ECHDC1: variants seen among roughly 807,000 people sequenced by gnomAD.
ECHDC1 encodes ethylmalonyl-CoA decarboxylase.
ECHDC1 carries 29 observed loss-of-function variants against 29.7 expected under a neutral mutation model. That is an observed-to-expected ratio of 0.98 (90% CI 0.73 to 1.33). The LOEUF is 1.33. ECHDC1 is among the 40% of genes most tolerant of loss of function. The probability of loss-of-function intolerance (pLI) is 0.00; values close to 1 mark genes in which losing one functional copy is unlikely to be tolerated. For synonymous variants in ECHDC1, 126 were observed against 123.1 expected, an observed-to-expected ratio of 1.02 and a Z score of -0.15; for missense variants, 328 against 350.0, an observed-to-expected ratio of 0.94 and a Z score of 0.50.
chr6:127,333,726 A>G (rs1784180214), intron 1 of ECHDC1, among the ~76,000 whole-genome samples: 1 of 149,324 alleles, frequency 6.7e-6, no homozygotes, highest in African/African-American at 2.4e-5. Flanking sequence ...GTTTACCAGT[A>G]TACCACCAGT....
At chr6:127,329,768 A>G (rs1783745685) in intron 2 of ECHDC1, 1 of 324,588 alleles carries the variant, frequency 3.1e-6, no homozygotes, top group Non-Finnish European at 6.1e-6. Flanking sequence ...TACCTTTTTT[A>G]AATTTTTTTA....
At chr6:127,311,879 A>G (rs936520558) in intron 5 of ECHDC1, among the ~76,000 whole-genome samples, 4 of 151,750 alleles carry the variant, frequency 2.6e-5, no homozygotes, top group African/African-American at 7.3e-5. Flanking sequence ...TTAATTTCCC[A>G]GTTGTATAAT....
At chr6:127,330,350 GA>G (rs879733100) in intron 2 of ECHDC1, among the ~76,000 whole-genome samples, 1 of 152,104 alleles carries the variant, frequency 6.6e-6, no homozygotes, top group South Asian at 2.1e-4. Context: ...TGTAACCATG[GA>G]ATTAAAAGGT....
intron 5 of ECHDC1, among the ~76,000 whole-genome samples, chr6:127,302,407 T>C (rs1781120726): frequency 6.6e-6 from 1 of 152,116 alleles, no homozygotes; most frequent in African/African-American, 2.4e-5. Context: ...TTCTTTTTTT[T>C]TTTCTTTTTG....
chr6:127,314,915 A>C lies in ECHDC1; in HGVS notation c.417-19T>G. On this transcript the variant is annotated intron_variant, in intron 4 of 5. Transcript: ENST00000454859. ...AGGAAGTCTGTATATTGAAGAAAAA[A>C]CTGATGTTACTATTTTTAATTTCAA... The C allele has an allele frequency of 6.3e-7, 1 of 1,592,682 alleles. No homozygotes were observed. Among genetic ancestry groups the C allele is most frequent in the South Asian group, 1.1e-5 (1 of 89,298 alleles).
intron 5 of ECHDC1, among the ~76,000 whole-genome samples, chr6:127,300,262 TAA>T (rs1780953629): frequency 1.3e-5 from 2 of 152,074 alleles, no homozygotes; most frequent in African/African-American, 4.8e-5. Context: ...AACAGAAATA[TAA>T]AAGTTAGCAA....
intron 1 of ECHDC1, among the ~76,000 whole-genome samples, chr6:127,336,491 T>C (rs1784436907): frequency 6.6e-6 from 1 of 152,168 alleles, no homozygotes; most frequent in South Asian, 2.1e-4. Context: ...CAAAGGGAAG[T>C]AAAAGTTCTG....
chr6:127,338,604 T>C (rs1198982492), intron 1 of ECHDC1, among the ~76,000 whole-genome samples: 1 of 152,124 alleles, frequency 6.6e-6, no homozygotes, highest in African/African-American at 2.4e-5. Context: ...CCAGCTCTGC[T>C]AGGGAGTAAA....
intron 1 of ECHDC1, among the ~76,000 whole-genome samples, chr6:127,339,318 G>A (rs951432477): frequency 1.3e-5 from 2 of 149,434 alleles, no homozygotes; most frequent in Admixed American, 1.3e-4. Context: ...GGGGTGATCA[G>A]GACAGGGACT....
At chr6:127,300,751 A>G (rs1382140775) in intron 5 of ECHDC1, among the ~76,000 whole-genome samples, 1 of 152,210 alleles carries the variant, frequency 6.6e-6, no homozygotes, top group Non-Finnish European at 1.5e-5. Flanking sequence ...GAGTCTTCAG[A>G]GCCCACTGCA....
At chr6:127,339,627 G>T (rs1163592859) in intron 1 of ECHDC1, among the ~76,000 whole-genome samples, 12 of 151,892 alleles carry the variant, frequency 7.9e-5, no homozygotes, top group South Asian at 6.2e-4. Context: ...ACAAAAATCA[G>T]CCAGGTGTAG....
At chr6:127,308,122 G>A (rs1281809560) in intron 5 of ECHDC1, among the ~76,000 whole-genome samples, 2 of 152,120 alleles carry the variant, frequency 1.3e-5, no homozygotes, top group Non-Finnish European at 2.9e-5. Flanking sequence ...AAAAATAGAG[G>A]AGGGGATACT....
intron 1 of ECHDC1, among the ~76,000 whole-genome samples, chr6:127,337,282 G>A (rs1031857195): frequency 6.6e-6 from 1 of 151,998 alleles, no homozygotes; most frequent in African/African-American, 2.4e-5. Flanking sequence ...AATCAACTAA[G>A]AGCCAAGCAC....
Position 127,291,731 on chromosome 6 carries a change from A to G in ECHDC1, c.498-1454T>C, listed in dbSNP as rs535387733. ...ACTCAAATGCAGGTGATTTGGTTCT[A>G]TTAGCACTAAGAACAAAAAACTCAG... On this transcript the variant is annotated intron_variant, in intron 5 of 5. Coordinates refer to ENST00000454859, the MANE Select transcript of ECHDC1 (RefSeq NM_001002030.2). 3.9e-5 allele frequency among the ~76,000 whole-genome samples: 6 copies of G among 152,238 alleles called. No homozygotes were observed. The East Asian group carries it at 1.2e-3, about 29-fold the overall frequency.
intron 5 of ECHDC1, among the ~76,000 whole-genome samples, chr6:127,299,437 T>C (rs1171837622): frequency 1.3e-5 from 2 of 148,650 alleles, no homozygotes; most frequent in African/African-American, 4.9e-5. Context: ...GTGTTTGTCT[T>C]AGCTTTTAAT....
intron 3 of ECHDC1, among the ~76,000 whole-genome samples, chr6:127,320,772 C>A (rs1782768004): frequency 6.6e-6 from 1 of 152,078 alleles, no homozygotes; most frequent in Non-Finnish European, 1.5e-5. Context: ...CCTAGTGGAT[C>A]TCCTGGCCTC....
At chr6:127,296,527 A>G (rs1330211887) in intron 5 of ECHDC1, among the ~76,000 whole-genome samples, 2 of 152,196 alleles carry the variant, frequency 1.3e-5, no homozygotes, top group East Asian at 1.9e-4. Flanking sequence ...AAAGTCAAAA[A>G]ACAAGCTGAG....
chr6:127,315,268 T>C (rs1782269380), intron 4 of ECHDC1: 4 of 380,450 alleles, frequency 1.1e-5, no homozygotes, highest in South Asian at 6.1e-5. Context: ...CCATGTGATA[T>C]TATCTTTGTC....
At chr6:127,317,029 C>T (rs1217748435) in intron 3 of ECHDC1, among the ~76,000 whole-genome samples, 2 of 152,074 alleles carry the variant, frequency 1.3e-5, no homozygotes, top group Non-Finnish European at 2.9e-5. Flanking sequence ...CCAGTGTAAT[C>T]TGGCCCTCTG....
Sources: allele counts gnomAD v4.1 joint callset (sites outside exome capture counted in the v4.1 genomes callset), GRCh38; gene constraint gnomAD v4.1.1; transcripts MANE v1.5; gene names NCBI Gene and HGNC (gene_info 2026-07-23, HGNC 2026-07-21).